The following EXOC4 variants were observed in gnomAD, a reference collection of about 807,000 sequenced individuals.
EXOC4 encodes SEC8-like 1.
Under a neutral mutation model 107.2 loss-of-function variants are expected in EXOC4, and 71 were observed. The ratio of observed to expected loss-of-function variants is 0.66; its 90% CI spans 0.55 to 0.81. The LOEUF (loss-of-function observed/expected upper bound fraction) is 0.81. Ranked by LOEUF, EXOC4 falls within the 30% of genes least tolerant of loss-of-function variation. The pLI is 0.00. For missense variants in EXOC4, 1,108 were observed against 1,189.6 expected, an observed-to-expected ratio of 0.93 and a Z score of 1.01; for synonymous variants, 456 against 441.2, an observed-to-expected ratio of 1.03 and a Z score of -0.42.
At chr7:133,634,766 G>A (rs977944403) in intron 10 of EXOC4, among the ~76,000 whole-genome samples, 5 of 152,298 alleles carry the variant, frequency 3.3e-5, no homozygotes, top group Non-Finnish European at 4.4e-5. Context: ...ACAGGTGTGA[G>A]CCACTATGCT....
chr7:133,920,918 C>T (rs1459896500), intron 13 of EXOC4, among the ~76,000 whole-genome samples: 1 of 152,120 alleles, frequency 6.6e-6, no homozygotes, highest in Non-Finnish European at 1.5e-5. Context: ...GATAATTTCA[C>T]TAGGTACAGA....
intron 10 of EXOC4, among the ~76,000 whole-genome samples, chr7:133,723,357 T>C (rs978720540): frequency 1.3e-5 from 2 of 152,198 alleles, no homozygotes; most frequent in Non-Finnish European, 2.9e-5. Context: ...CAATCTTAGA[T>C]GGAATTGGTT....
At chr7:133,258,781 A>G (rs936554671) in intron 1 of EXOC4, among the ~76,000 whole-genome samples, 2 of 152,198 alleles carry the variant, frequency 1.3e-5, no homozygotes, top group Non-Finnish European at 2.9e-5. Flanking sequence ...AATCTTGTAC[A>G]GCTGAATTAA....
At chr7:134,066,663 GA>G (rs1472837321), downstream of EXOC4, 1 of 152,118 alleles carries the variant, frequency 6.6e-6, no homozygotes, top group Non-Finnish European at 1.5e-5. Flanking sequence ...ATGCATTTGG[GA>G]CACAGTGAAG....
chr7:133,444,841 A>G (rs1798182737), intron 7 of EXOC4, among the ~76,000 whole-genome samples: 1 of 152,272 alleles, frequency 6.6e-6, no homozygotes, highest in East Asian at 1.9e-4. Context: ...GAGGTCTGGG[A>G]TGACAGATTG....
intron 9 of EXOC4, among the ~76,000 whole-genome samples, chr7:133,496,174 C>T (rs938754067): frequency 3.3e-5 from 5 of 151,932 alleles, no homozygotes; most frequent in African/African-American, 7.2e-5. Context: ...TTTTGAGATG[C>T]GGTCTTGCTC....
At chr7:133,286,410 CAT>C in intron 2 of EXOC4, among the ~76,000 whole-genome samples, 1 of 152,188 alleles carries the variant, frequency 6.6e-6, no homozygotes. Flanking sequence ...CTGTTTCCTG[CAT>C]AGTTTCTGTT....
At chr7:133,304,085 T>TG (rs1351641342) in intron 3 of EXOC4, among the ~76,000 whole-genome samples, 2 of 152,152 alleles carry the variant, frequency 1.3e-5, no homozygotes, top group Admixed American at 1.3e-4. Context: ...AAATCAAGTG[T>TG]GGATGTGCAG....
At chr7:133,322,600 A>T (rs1470836577) in intron 5 of EXOC4, among the ~76,000 whole-genome samples, 1 of 152,188 alleles carries the variant, frequency 6.6e-6, no homozygotes, top group Non-Finnish European at 1.5e-5. Flanking sequence ...TACCAATACC[A>T]TGCTGTTTTG....
chr7:133,618,832 T>G (rs1218176868), intron 9 of EXOC4, among the ~76,000 whole-genome samples: 21 of 152,194 alleles, frequency 1.4e-4, no homozygotes, highest in Admixed American at 7.2e-4. Context: ...TTTTGTCAAT[T>G]ATTTATTGAA....
At chr7:133,395,269 T>C (rs1338667561) in intron 7 of EXOC4, among the ~76,000 whole-genome samples, 1 of 152,120 alleles carries the variant, frequency 6.6e-6, no homozygotes, top group East Asian at 1.9e-4. Flanking sequence ...TTAAAATTTT[T>C]CTCTACCCAC....
chr7:133,944,747 A>G (rs1173427533), intron 14 of EXOC4, among the ~76,000 whole-genome samples: 1 of 152,152 alleles, frequency 6.6e-6, no homozygotes, highest in Non-Finnish European at 1.5e-5. Flanking sequence ...TTGATAATGG[A>G]TTATAATCTT....
intron 11 of EXOC4, among the ~76,000 whole-genome samples, chr7:133,833,988 G>A (rs747040702): frequency 2.6e-5 from 4 of 152,056 alleles, no homozygotes; most frequent in Admixed American, 6.5e-5. Flanking sequence ...CCTAGCAGAT[G>A]GAACACACAG....
chr7:133,601,073 G>A (rs755973574), intron 9 of EXOC4, among the ~76,000 whole-genome samples: 6 of 152,276 alleles, frequency 3.9e-5, no homozygotes, highest in Non-Finnish European at 8.8e-5. Flanking sequence ...GCGTTGCCCA[G>A]CTTCCCCTTT....
At chr7:133,443,922 A>G (rs1798160555) in intron 7 of EXOC4, among the ~76,000 whole-genome samples, 1 of 152,162 alleles carries the variant, frequency 6.6e-6, no homozygotes, top group South Asian at 2.1e-4. Flanking sequence ...TGTGGCCTTT[A>G]TTTTGGCCAT....
intron 10 of EXOC4, among the ~76,000 whole-genome samples, chr7:133,721,124 C>T (rs1795096905): frequency 6.6e-6 from 1 of 151,992 alleles, no homozygotes; most frequent in Admixed American, 6.6e-5. Flanking sequence ...TATACACTGG[C>T]CTTGGTTTTG....
intron 9 of EXOC4, among the ~76,000 whole-genome samples, chr7:133,619,207 T>C (rs747465596): frequency 1.4e-4 from 22 of 152,214 alleles, no homozygotes; most frequent in Non-Finnish European, 8.8e-5. Context: ...CACCATGTTT[T>C]GCAACCTGTA....
At chr7:133,488,577 A>G (rs961509590) in intron 9 of EXOC4, among the ~76,000 whole-genome samples, 1 of 152,180 alleles carries the variant, frequency 6.6e-6, no homozygotes, top group Middle Eastern at 3.2e-3. Flanking sequence ...GAGACAATTG[A>G]TCATGCATAT....
chr7:133,306,005 G>A lies in EXOC4; in HGVS notation c.600G>A (p.Leu200=). 6.2e-7 allele frequency: 1 copy of A among 1,613,758 alleles called. No individual in the cohort carries two copies. The highest frequency in any genetic ancestry group is 1.1e-5 in the South Asian group (1 of 91,012). The part of the protein sequence containing the change: ...LVLIDELHRH[L]YIKSTSRVVQ... ...TCATAGATGAACTACACCGGCACCT[G>A]TACATCAAATCGACTAGCCGAGTTG... is the stretch of plus-strand genomic sequence containing the variant. Residue 200 remains leucine, a synonymous_variant, in exon 4 of 18, where the codon CTG becomes CTA. Coordinates refer to ENST00000253861, the MANE Select transcript of EXOC4 (RefSeq NM_021807.4).
Sources: allele counts gnomAD v4.1 joint callset (sites outside exome capture counted in the v4.1 genomes callset), GRCh38; gene constraint gnomAD v4.1.1; transcripts MANE v1.5; gene names NCBI Gene and HGNC (gene_info 2026-07-23, HGNC 2026-07-21).